SHISA9: variants seen among roughly 807,000 people sequenced by gnomAD.
SHISA9 encodes the protein protein shisa-9.
Under a neutral mutation model 38.0 loss-of-function variants are expected in SHISA9, and 13 were observed. That is an observed-to-expected ratio of 0.34 (90% CI 0.22 to 0.54). The LOEUF (loss-of-function observed/expected upper bound fraction) is 0.54, where lower values mean the gene tolerates loss of function less well. Ranked by LOEUF, SHISA9 falls within the 20% of genes least tolerant of loss-of-function variation. The probability of loss-of-function intolerance (pLI) is 0.91; values close to 1 mark genes in which losing one functional copy is unlikely to be tolerated. For missense variants in SHISA9, 538 were observed against 575.8 expected, an observed-to-expected ratio of 0.93 and a Z score of 0.67; for synonymous variants, 275 against 242.0, an observed-to-expected ratio of 1.14 and a Z score of -1.27.
intron 2 of SHISA9, among the ~76,000 whole-genome samples, chr16:12,978,294 C>T (rs1315515459): frequency 6.6e-6 from 1 of 152,156 alleles, no homozygotes; most frequent in African/African-American, 2.4e-5. Context: ...CTTCTAGTCT[C>T]CCCTGGGAAA....
At position 13,184,144 on chromosome 16, in the gene SHISA9, AT is replaced by A. The variant is rs147954820; in HGVS notation, c.692-19248del. Reference sequence around the variant, plus strand: ...TCAGTCATAGTAGCTGCCTCACTAAATTGAGAAGCCAGATGGTTTGGGAAGA... The same window carrying A: ...TCAGTCATAGTAGCTGCCTCACTAAATGAGAAGCCAGATGGTTTGGGAAGA... On this transcript the variant is annotated intron_variant, in intron 2 of 4. Transcript: ENST00000558583. Among the ~76,000 whole-genome samples, 1,118 of 152,238 alleles carry A rather than the reference AT, an allele frequency of 7.3e-3. 12 individuals are homozygous for A. The highest frequency in any genetic ancestry group is 0.025 in the African/African-American group (1,056 of 41,542).
intron 2 of SHISA9, among the ~76,000 whole-genome samples, chr16:12,966,791 G>A (rs1032163597): frequency 6.6e-6 from 1 of 152,184 alleles, no homozygotes; most frequent in Non-Finnish European, 1.5e-5. Context: ...AGCCTTGGAG[G>A]AAGATGTTCA....
chr16:13,345,061 T>C, the SHISA9 span, among the ~76,000 whole-genome samples: 16 of 152,282 alleles, frequency 1.1e-4, no homozygotes, highest in African/African-American at 3.8e-4. Context: ...CTGTGACTTG[T>C]TTAGTGGGTC....
At chr16:12,916,855 T>TCCCATTTCCA in intron 2 of SHISA9, 40 bp downstream of exon 2, 1 of 1,543,636 alleles carries the variant, frequency 6.5e-7, no homozygotes, top group Non-Finnish European at 8.7e-7. Context: ...TCCCATGGGG[T>TCCCATTTCCA]GACCTGAGCA....
chr16:13,104,681 CTGGGCT>C (rs1380003549), intron 2 of SHISA9, among the ~76,000 whole-genome samples: 3 of 151,762 alleles, frequency 2.0e-5, no homozygotes, highest in African/African-American at 7.3e-5. Context: ...TAGTGGTTGC[CTGGGCT>C]GGGGTGGGGA....
At chr16:13,280,550 G>T in the SHISA9 span, among the ~76,000 whole-genome samples, 1 of 151,616 alleles carries the variant, frequency 6.6e-6, no homozygotes, top group Non-Finnish European at 1.5e-5. Flanking sequence ...TCTTTGACTT[G>T]CCTATTATTT....
At chr16:13,341,804 A>G in the SHISA9 span, among the ~76,000 whole-genome samples, 1 of 152,210 alleles carries the variant, frequency 6.6e-6, no homozygotes, top group Non-Finnish European at 1.5e-5. Flanking sequence ...GATCCTATCT[A>G]TACGTAGCAG....
At chr16:13,542,609 G>A in the SHISA9 span, among the ~76,000 whole-genome samples, 17 of 152,100 alleles carry the variant, frequency 1.1e-4, no homozygotes, top group Non-Finnish European at 2.4e-4. Context: ...CCTACTCTAT[G>A]CTGAATGAGC....
chr16:13,042,210 T>C (rs946431922), intron 2 of SHISA9, among the ~76,000 whole-genome samples: 1 of 152,206 alleles, frequency 6.6e-6, no homozygotes, highest in Non-Finnish European at 1.5e-5. Flanking sequence ...CACTGGTCGC[T>C]ACCTTTACCT....
chr16:13,394,321 A>G, the SHISA9 span, among the ~76,000 whole-genome samples: 26 of 152,156 alleles, frequency 1.7e-4, no homozygotes, highest in Non-Finnish European at 1.6e-4. Context: ...GAGGCCAGTG[A>G]GTTTGAGAGG....
chr16:13,398,255 G>A, the SHISA9 span, among the ~76,000 whole-genome samples: 3 of 152,082 alleles, frequency 2.0e-5, no homozygotes, highest in East Asian at 1.9e-4. Flanking sequence ...GCACAAACCC[G>A]GGGGTGGAGC....
the SHISA9 span, among the ~76,000 whole-genome samples, chr16:13,486,033 C>G: frequency 1.4e-4 from 21 of 152,184 alleles, no homozygotes; most frequent in East Asian, 3.9e-3. Flanking sequence ...GCCTAGACAC[C>G]CTTTCTCCAC....
chr16:13,327,295 C>G, the SHISA9 span, among the ~76,000 whole-genome samples: 180 of 152,188 alleles, frequency 1.2e-3, no homozygotes, highest in African/African-American at 4.0e-3. Context: ...GGACCCTGTA[C>G]TTTTTAGTTA....
At position 12,916,789 on chromosome 16, in the gene SHISA9, A is replaced by G; in HGVS notation, c.665A>G (p.Asp222Gly). 1.9e-6 allele frequency: 3 copies of G among 1,551,894 alleles called. No individual in the cohort carries two copies. Among genetic ancestry groups the G allele is most frequent in the Non-Finnish European group, 2.6e-6 (3 of 1,147,032 alleles). Residue 222 changes from aspartate to glycine, a missense_variant, in exon 2 of 5, where the codon GAC becomes GGC. Around this residue, in one of 4 missense-constraint regions of SHISA9, gnomAD observed 326 missense variants for 305.9 expected, o/e 1.07. Transcript: ENST00000558583. The stretch of plus-strand genomic sequence containing the variant: ...CACGTCCAGCATTATGAGAACATGG[A>G]CACGAGAACCCCCATAAATAATCTT... ...VVHVQHYENM[D>G]TRTPINNLHA...
chr16:13,319,746 G>A, the SHISA9 span, among the ~76,000 whole-genome samples: 3 of 151,670 alleles, frequency 2.0e-5, no homozygotes, highest in African/African-American at 7.3e-5. Context: ...GGCCCCTTCT[G>A]GGTCCCACAG....
intron 1 of SHISA9, among the ~76,000 whole-genome samples, chr16:12,903,234 C>T (rs1176568417): frequency 6.6e-6 from 1 of 152,148 alleles, no homozygotes; most frequent in Admixed American, 6.5e-5. Context: ...GGATTTGGGA[C>T]CTCAGCTGCC....
At chr16:13,128,597 G>A (rs1327781719) in intron 2 of SHISA9, among the ~76,000 whole-genome samples, 4 of 152,178 alleles carry the variant, frequency 2.6e-5, no homozygotes, top group Admixed American at 2.6e-4. Context: ...GTGCCAGACA[G>A]CTGGAAAGAA....
rs1044776620 is a variant in SHISA9, at chr16:13,238,845, A to ATTT, written c.*3438_*3439insTTT. ...TATTATTATTATTATTATTATTATT[A>ATTT]TTATTATACTTTAAGTTTTAGGGTA... On this transcript the variant is annotated 3_prime_UTR_variant, in exon 5 of 5. Transcript: ENST00000558583. 2 of 145,644 alleles carry ATTT rather than the reference A, an allele frequency of 1.4e-5. No homozygotes were observed. Among genetic ancestry groups the ATTT allele is most frequent in the Non-Finnish European group, 3.0e-5 (2 of 66,582 alleles). 9.0% of individuals were successfully genotyped at this position (145,644 alleles called of 1,614,324 possible). A position where few individuals can be genotyped will look rare whatever the true frequency, so the allele number is the denominator to read the frequency against.
At chr16:13,425,128 G>A in the SHISA9 span, among the ~76,000 whole-genome samples, 4 of 152,306 alleles carry the variant, frequency 2.6e-5, no homozygotes, top group South Asian at 4.1e-4. Context: ...ACATGTTCCC[G>A]CTTATAGGTG....
Sources: allele counts gnomAD v4.1 joint callset (sites outside exome capture counted in the v4.1 genomes callset), GRCh38; gene constraint gnomAD v4.1.1; regional missense constraint gnomAD v4.1.1; transcripts MANE v1.5; gene names NCBI Gene and HGNC (gene_info 2026-07-23, HGNC 2026-07-21).